The following NCOR2 variants were observed in gnomAD, a reference collection of about 807,000 sequenced individuals.
NCOR2 encodes nuclear receptor corepressor 2.
In NCOR2, 81 loss-of-function variants were observed where a neutral mutation model predicts 262.9. That is an observed-to-expected ratio of 0.31 (90% confidence interval 0.26 to 0.37). NCOR2 has a LOEUF of 0.37. NCOR2 is among the 10% of genes least tolerant of loss of function. The pLI, the probability that NCOR2 is intolerant of heterozygous loss-of-function variation, is 1.00. For synonymous variants in NCOR2, 1,659 were observed against 1,559.3 expected (o/e 1.06, Z -1.51); for missense variants, 3,385 against 3,621.4 (o/e 0.93, Z 1.68).
intron 13 of NCOR2, among the ~76,000 whole-genome samples, chr12:124,417,579 A>G (rs1593447305): frequency 1.3e-5 from 2 of 152,238 alleles, no homozygotes; most frequent in African/African-American, 4.8e-5. Flanking sequence ...ATGAGCATAC[A>G]GTAGGGGCCC....
rs771565942 is a variant in NCOR2, at chr12:124,503,613, CGGATGGAT to C, written c.-117-8253_-117-8246del. 0.019 allele frequency among the ~76,000 whole-genome samples: 2,658 copies of C among 139,210 alleles called. 45 individuals carry two copies. The highest frequency in any genetic ancestry group is 0.027 in the Non-Finnish European group (1,780 of 65,186). The allele number at this position is 139,210 out of a possible 152,430, so 91.3% of individuals were successfully genotyped here. A position where few individuals can be genotyped will look rare whatever the true frequency, so the allele number is the denominator to read the frequency against. ...ACGGATGGATGGATGGACGGACGGACGGATGGATGGATGGATGGATGGGCGAATGGATG... is the reference window on the plus strand; with the variant it reads ...ACGGATGGATGGATGGACGGACGGACGGATGGATGGATGGGCGAATGGATG... On this transcript the variant is annotated intron_variant, in intron 1 of 46. Transcript: ENST00000404621. The surrounding 1 kb of genome is among the most constrained non-coding windows in gnomAD (Gnocchi z 4.3).
rs368246002 is a variant in NCOR2, at chr12:124,422,486, C to T, written c.1383+15G>A. On this transcript the variant is annotated intron_variant, in intron 12 of 46. Coordinates refer to ENST00000405201, the Ensembl canonical transcript of NCOR2. ...AGGTGGAGACCGAAGGGGTATGGGG[C>T]GGGCAGCGACTCACCTTCCTCTCCA... 9.9e-6 allele frequency: 16 copies of T among 1,613,756 alleles called. No homozygotes were observed. Among genetic ancestry groups the T allele is most frequent in the Middle Eastern group, 1.6e-4 (1 of 6,084 alleles).
intron 20 of NCOR2, among the ~76,000 whole-genome samples, chr12:124,371,424 G>A (rs941429365): frequency 6.6e-6 from 1 of 152,238 alleles, no homozygotes; most frequent in African/African-American, 2.4e-5. Context: ...ATATAATCAA[G>A]TTAAGATGAA....
chr12:124,449,847 G>A (rs764601248), exon 7 of NCOR2: 13 of 1,614,042 alleles, frequency 8.1e-6, no homozygotes, highest in African/African-American at 2.7e-5. Context: ...GCCGGGTGTC[G>A]GAGGGCTGGT....
intron 12 of NCOR2, among the ~76,000 whole-genome samples, chr12:124,421,291 C>T (rs533434283): frequency 2.4e-3 from 367 of 152,338 alleles, no homozygotes; most frequent in Admixed American, 4.2e-3. Context: ...CAAAGAACAT[C>T]ATGAAGTTTA....
chr12:124,371,842 C>T (rs182062500), intron 20 of NCOR2, among the ~76,000 whole-genome samples, 180 bp downstream of exon 22: 16 of 152,290 alleles, frequency 1.1e-4, no homozygotes, highest in Admixed American at 5.9e-4. Flanking sequence ...GCCACACCTC[C>T]GCCCCTTCCT....
At position 124,400,839 on chromosome 12, in the gene NCOR2, C is replaced by A. The variant is rs192505924; in HGVS notation, c.1641-166G>T. On this transcript the variant is annotated intron_variant, in intron 14 of 46. Transcript: ENST00000405201. ...GGCCTGAGGTGAGGGTGGCCAGGGG[C>A]AAGTCTGCAGGGGCTCCATGTTCAC... 7.5e-3 allele frequency among the ~76,000 whole-genome samples: 1,136 copies of A among 152,308 alleles called. 42 individuals carry two copies. Among genetic ancestry groups the A allele is most frequent in the Admixed American group, 0.065 (994 of 15,294 alleles).
chr12:124,494,859 C>A (rs561497749), intron 1 of NCOR2, among the ~76,000 whole-genome samples: 1 of 152,336 alleles, frequency 6.6e-6, no homozygotes, highest in South Asian at 2.1e-4. Flanking sequence ...AGCAGGAGCT[C>A]CACATTCGCG....
rs79226890 is a variant in NCOR2 at position 124,368,579 on chromosome 12, C to T, written c.2807+3443G>A. Reference sequence around the variant, plus strand: ...CTGGGCTGCTCACTCCACTCTACACCCTGCTATAGGCCTCTCTGCTGTCCA... The same window carrying T: ...CTGGGCTGCTCACTCCACTCTACACTCTGCTATAGGCCTCTCTGCTGTCCA... On this transcript the variant is annotated intron_variant, in intron 20 of 46. Transcript: ENST00000405201. 2.0e-5 allele frequency among the ~76,000 whole-genome samples: 3 copies of T among 152,358 alleles called. No individual in the cohort carries two copies. The East Asian group carries it at 5.8e-4, about 29-fold the overall frequency.
In NCOR2 at chr12:124,466,221, G is replaced by A. The variant is rs374534970; in HGVS notation, c.657C>T (p.Ile219=). The change falls in exon 5 of 47, where the codon ATC becomes ATT. Residue 219 remains isoleucine, a synonymous_variant. Coordinates refer to ENST00000405201, the Ensembl canonical transcript of NCOR2. ...GCACCAGGCTGCGGTGCTTCGACTCGATGGGCGGCGGTGACACGGGCTTCT... is the reference window on the plus strand; with the variant it reads ...GCACCAGGCTGCGGTGCTTCGACTCAATGGGCGGCGGTGACACGGGCTTCT... The A allele has an allele frequency of 7.5e-5, 120 of 1,610,550 alleles. No individual in the cohort carries two copies. In the African/African-American group the frequency reaches 8.7e-4, roughly 12 times the overall value.
At chr12:124,446,687 T>C (rs1159253060) in intron 7 of NCOR2, among the ~76,000 whole-genome samples, 1 of 152,048 alleles carries the variant, frequency 6.6e-6, no homozygotes, top group African/African-American at 2.4e-5. Flanking sequence ...CTTACCAGAG[T>C]AATAGAATTT....
At chr12:124,473,545 G>A (rs146592416) in intron 3 of NCOR2, among the ~76,000 whole-genome samples, 51 of 152,112 alleles carry the variant, frequency 3.4e-4, no homozygotes, top group African/African-American at 1.0e-3. Context: ...CCTTGTGATC[G>A]TGTGAGTTAA....
At chr12:124,354,676 C>T (rs766628926) in intron 25 of NCOR2, 94 bp from the exon 28 acceptor site, 64 of 1,331,568 alleles carry the variant, frequency 4.8e-5, no homozygotes, top group Non-Finnish European at 5.9e-5. Context: ...CTGGGAAGCG[C>T]TGCCCCTCCC....
rs534534889 is a variant in NCOR2, at chr12:124,440,835, G to A, written c.816-2839C>T. On this transcript the variant is annotated intron_variant, in intron 7 of 46. Coordinates refer to ENST00000405201, the Ensembl canonical transcript of NCOR2. The surrounding 1 kb of genome is among the most constrained non-coding windows in gnomAD (Gnocchi z 5.7). Reference sequence around the variant, plus strand: ...AGGATGGCCTTGAGCTGGGATCTACGTCATCAGAAGGACCCGGCTCTGGGA... The same window carrying A: ...AGGATGGCCTTGAGCTGGGATCTACATCATCAGAAGGACCCGGCTCTGGGA... 1.3e-5 allele frequency among the ~76,000 whole-genome samples: 2 copies of A among 152,308 alleles called. No individual in the cohort carries two copies. The highest frequency in any genetic ancestry group is 2.1e-4 in the South Asian group (1 of 4,818).
chr12:124,330,131 C>T (rs12301388), intron 44 of NCOR2, among the ~76,000 whole-genome samples: 232 of 152,340 alleles, frequency 1.5e-3, no homozygotes, highest in African/African-American at 5.4e-3. Flanking sequence ...CAGCTTCCAC[C>T]AAAGGACCAG....
At position 124,555,680 on chromosome 12, in the gene NCOR2, C is replaced by T. The variant is rs117836680; in HGVS notation, c.-165+11628G>A. On this transcript the variant is annotated intron_variant, in intron 1 of 32. Coordinates refer to the NCOR2 transcript ENST00000458234. ...CCAAACAGCAGACAAGTCTTGCTGG[C>T]CCCGGGAATCCGCCCAGAAAGCTGC... 9.5e-3 allele frequency among the ~76,000 whole-genome samples: 1,444 copies of T among 152,310 alleles called. 4 individuals carry two copies. Among genetic ancestry groups the T allele is most frequent in the Non-Finnish European group, 0.013 (897 of 68,036 alleles).
In NCOR2 at chr12:124,504,545, G is replaced by A. The variant is rs2048942625; in HGVS notation, c.-117-9177C>T. 6.6e-6 allele frequency among the ~76,000 whole-genome samples: 1 copy of A among 152,156 alleles called. No homozygotes were observed. Reference sequence around the variant, plus strand: ...GCCACTCCTAGCTACACATCCCCAAGGAACGGAAAACTGGTGACAAAACAA... The same window carrying A: ...GCCACTCCTAGCTACACATCCCCAAAGAACGGAAAACTGGTGACAAAACAA... On this transcript the variant is annotated intron_variant, in intron 1 of 46. Coordinates refer to the NCOR2 transcript ENST00000404621. The surrounding 1 kb of genome is among the most constrained non-coding windows in gnomAD (Gnocchi z 4.5).
At chr12:124,495,433 G>C, upstream of NCOR2, 1 of 1,256,384 alleles carries the variant, frequency 8.0e-7, no homozygotes, top group Non-Finnish European at 1.1e-6. The surrounding 1 kb of genome is among the most constrained non-coding windows in gnomAD (Gnocchi z 4.4). Context: ...CCGTGCACAG[G>C]TCCCCGAGTC....
intron 1 of NCOR2, among the ~76,000 whole-genome samples, chr12:124,518,704 C>CACTCG (rs2049986805): frequency 6.6e-6 from 1 of 152,258 alleles, no homozygotes; most frequent in Non-Finnish European, 1.5e-5. Flanking sequence ...TTCCAGCCGA[C>CACTCG]ACTCGGGAGC....
Sources: gnomAD v4.1 joint callset for allele counts (sites outside exome capture counted in the v4.1 genomes callset) on GRCh38, gnomAD v4.1.1 for gene constraint, Gnocchi (gnomAD v3.1) non-coding constraint, MANE v1.5 for transcripts, NCBI Gene and HGNC (gene_info 2026-07-23, HGNC 2026-07-21) for gene names.